SPOCK1: variants seen among roughly 807,000 people sequenced by gnomAD.
SPOCK1 encodes the protein SPARC (osteonectin), cwcv and kazal like domains proteoglycan 1.
A neutral mutation model predicts 55.3 loss-of-function variants in SPOCK1; 23 were observed. The ratio of observed to expected loss-of-function variants is 0.42; its 90% CI spans 0.30 to 0.59. The LOEUF is 0.59. Ranked by LOEUF, SPOCK1 falls within the 20% of genes least tolerant of loss-of-function variation. The probability of loss-of-function intolerance (pLI) is 0.22; values close to 1 mark genes in which losing one functional copy is unlikely to be tolerated. For missense variants in SPOCK1, 499 were observed against 552.5 expected (o/e 0.90, Z 0.97); for synonymous variants, 226 against 221.0 (o/e 1.02, Z -0.20).
At chr5:137,278,557 G>A (rs1757111702) in intron 2 of SPOCK1, among the ~76,000 whole-genome samples, 1 of 152,172 alleles carries the variant, frequency 6.6e-6, no homozygotes, top group Non-Finnish European at 1.5e-5. Context: ...ACAGTCCTCT[G>A]AGATTGACTG....
intron 2 of SPOCK1, among the ~76,000 whole-genome samples, chr5:137,302,735 C>T (rs568735784): frequency 1.3e-5 from 2 of 151,932 alleles, no homozygotes; most frequent in African/African-American, 2.4e-5. Flanking sequence ...GAGTAAGGTA[C>T]ACCTTCTAAA....
intron 9 of SPOCK1, among the ~76,000 whole-genome samples, chr5:136,983,519 T>C (rs1750774206): frequency 6.6e-6 from 1 of 150,946 alleles, no homozygotes; most frequent in African/African-American, 2.4e-5. Flanking sequence ...AGAAGGAAAA[T>C]GTAGATGCGG....
intron 2 of SPOCK1, among the ~76,000 whole-genome samples, chr5:137,354,262 C>T (rs1032684807): frequency 1.3e-5 from 2 of 152,192 alleles, no homozygotes; most frequent in Non-Finnish European, 2.9e-5. Flanking sequence ...CCTATACTTA[C>T]ATCCTTCAAT....
chr5:136,992,143 T>C (rs561100616), intron 7 of SPOCK1, among the ~76,000 whole-genome samples: 12 of 152,300 alleles, frequency 7.9e-5, no homozygotes, highest in African/African-American at 1.7e-4. Flanking sequence ...CATGAAAAGA[T>C]AGTCACATTT....
At chr5:137,177,237 G>A (rs1244133538) in intron 3 of SPOCK1, among the ~76,000 whole-genome samples, 1 of 152,200 alleles carries the variant, frequency 6.6e-6, no homozygotes, top group Non-Finnish European at 1.5e-5. Flanking sequence ...TCTACCACGT[G>A]AAGTTAAAGA....
intron 2 of SPOCK1, among the ~76,000 whole-genome samples, chr5:137,483,386 T>C (rs548421967): frequency 5.3e-5 from 8 of 152,244 alleles, no homozygotes; most frequent in African/African-American, 1.9e-4. Flanking sequence ...CCCTCCCTTC[T>C]CTTGGCTCTG....
chr5:137,356,873 A>AGAGAGAGAGAGAGAGAGAGAGATAGT (rs796667572), intron 2 of SPOCK1, among the ~76,000 whole-genome samples: 3 of 69,830 alleles, frequency 4.3e-5, no homozygotes, highest in African/African-American at 2.2e-4. Flanking sequence ...AGAGAGAGAG[A>AGAGAGAGAGAGAGAGAGAGAGATAGT]GAGTATGCAG....
chr5:137,285,820 T>C (rs1314224263), intron 2 of SPOCK1, among the ~76,000 whole-genome samples: 1 of 152,036 alleles, frequency 6.6e-6, no homozygotes, highest in Non-Finnish European at 1.5e-5. Flanking sequence ...ATACCACATG[T>C]AGAGCCACTA....
chr5:137,488,509 C>A (rs1335704919), intron 2 of SPOCK1, among the ~76,000 whole-genome samples: 1 of 152,186 alleles, frequency 6.6e-6, no homozygotes, highest in Admixed American at 6.5e-5. Context: ...ACAGTGATTT[C>A]TCAAGACTGT....
chr5:137,070,877 C>T (rs1436681445), intron 5 of SPOCK1, among the ~76,000 whole-genome samples: 2 of 152,194 alleles, frequency 1.3e-5, no homozygotes, highest in Admixed American at 6.5e-5. Flanking sequence ...TCCTCCCTAG[C>T]TACAGAAAGA....
chr5:137,367,765 A>G (rs1370729860), intron 2 of SPOCK1, among the ~76,000 whole-genome samples: 1 of 152,200 alleles, frequency 6.6e-6, no homozygotes, highest in Non-Finnish European at 1.5e-5. Context: ...GTTGGAACCA[A>G]CACCATTTAG....
intron 6 of SPOCK1, among the ~76,000 whole-genome samples, chr5:137,039,290 TTTTTTTTTG>T (rs1368850653): frequency 1.1e-4 from 16 of 142,912 alleles, no homozygotes; most frequent in East Asian, 6.0e-4. Flanking sequence ...TTTTTTTTTT[TTTTTTTTTG>T]TTGTTGCAAC....
chr5:137,424,941 T>G (rs960325015), intron 2 of SPOCK1, among the ~76,000 whole-genome samples: 56 of 152,368 alleles, frequency 3.7e-4, no homozygotes, highest in African/African-American at 1.2e-3. Flanking sequence ...ACTGTATACT[T>G]TAAATGGATG....
chr5:137,018,488 A>G (rs534139400), intron 6 of SPOCK1, among the ~76,000 whole-genome samples: 10 of 152,262 alleles, frequency 6.6e-5, no homozygotes, highest in Admixed American at 2.6e-4. Flanking sequence ...TCATATAGTG[A>G]CAATGAAGTG....
intron 2 of SPOCK1, among the ~76,000 whole-genome samples, chr5:137,332,281 T>C (rs757380380): frequency 2.0e-5 from 3 of 152,048 alleles, no homozygotes; most frequent in Non-Finnish European, 4.4e-5. Context: ...TTCCCTCTTG[T>C]GAGAGGGCTT....
chr5:137,074,710 T>A (rs1403577998), intron 5 of SPOCK1, among the ~76,000 whole-genome samples: 1 of 151,524 alleles, frequency 6.6e-6, no homozygotes, highest in Non-Finnish European at 1.5e-5. Context: ...TTGTTGTTGT[T>A]GTTGTTGTTG....
chr5:137,259,647 A>T (rs1231837380), intron 3 of SPOCK1, among the ~76,000 whole-genome samples: 4 of 152,008 alleles, frequency 2.6e-5, no homozygotes, highest in South Asian at 4.2e-4. Context: ...ATAATAATAA[A>T]AAAACACTGA....
intron 2 of SPOCK1, among the ~76,000 whole-genome samples, chr5:137,388,245 T>C (rs372527237): frequency 1.3e-5 from 2 of 152,232 alleles, no homozygotes; most frequent in Non-Finnish European, 2.9e-5. Context: ...TTTCATCTCC[T>C]GGGTAACAGC....
chr5:137,407,284 A>T lies in SPOCK1; in HGVS notation c.186+91089T>A, dbSNP rs183530851. ...CTTTTTTCTCTAGGGAAATGTGACA[A>T]CGCTGTGCTCTTTAAGCTGCACTTC... is the stretch of plus-strand genomic sequence containing the variant. On this transcript the variant is annotated intron_variant, in intron 2 of 10. Coordinates refer to ENST00000394945, the MANE Select transcript of SPOCK1 (RefSeq NM_004598.4). 4.6e-5 allele frequency among the ~76,000 whole-genome samples: 7 copies of T among 152,340 alleles called. No homozygotes were observed. The East Asian group carries it at 1.4e-3, about 29-fold the overall frequency.
Sources: allele counts gnomAD v4.1 joint callset (sites outside exome capture counted in the v4.1 genomes callset), GRCh38; gene constraint gnomAD v4.1.1; transcripts MANE v1.5; gene names NCBI Gene and HGNC (gene_info 2026-07-23, HGNC 2026-07-21).